Variants in TUBGCP3 observed in about 807,000 individuals in gnomAD.
The protein encoded by TUBGCP3 is tubulin gamma complex component 3, also known as gamma-tubulin complex component 3.
TUBGCP3 carries 50 observed loss-of-function variants against 123.1 expected under a neutral mutation model. That is an observed-to-expected ratio of 0.41 (90% CI 0.32 to 0.51). The LOEUF (loss-of-function observed/expected upper bound fraction) is 0.51. TUBGCP3 is among the 20% of genes least tolerant of loss of function. The pLI is 0.36. For synonymous variants in TUBGCP3, 405 were observed against 413.9 expected, an observed-to-expected ratio of 0.98 and a Z score of 0.26; for missense variants, 882 against 1,127.0, an observed-to-expected ratio of 0.78 and a Z score of 3.11.
In TUBGCP3 at chr13:112,554,974, T is replaced by C. The variant is rs765721075; in HGVS notation, c.753A>G (p.Val251=). The C allele has an allele frequency of 6.2e-7, 1 of 1,610,470 alleles. No individual in the cohort carries two copies. Among genetic ancestry groups the C allele is most frequent in the Admixed American group, 1.7e-5 (1 of 59,070 alleles). Residue 251 remains valine (V), a synonymous_variant, in exon 7 of 22, where the codon GTA becomes GTG. Transcript: ENST00000261965. The stretch of plus-strand genomic sequence containing the variant: ...CCTGAAAGACGTACAAAATGTCCCT[T>C]ACCAGAGCTGCTTCTGTAATTTCCA... The part of the protein sequence containing the change: ...GTMEITEAAL[V]RDILYVFQGI...
chr13:112,545,024 G>A lies in TUBGCP3; in HGVS notation c.1335+675C>T, dbSNP rs994463799. Reference sequence around the variant, plus strand: ...CCACTTCCCGCCACACACAGTCTGCGGCCCCGACGGCCCACTCCCACAAGA... The same window carrying A: ...CCACTTCCCGCCACACACAGTCTGCAGCCCCGACGGCCCACTCCCACAAGA... On this transcript the variant is annotated intron_variant, in intron 11 of 21. Transcript: ENST00000261965. This position sits in a 1 kb window ranked among gnomAD's most constrained non-coding sequence, Gnocchi z 4.1. 5 of 152,462 alleles carry A rather than the reference G, an allele frequency of 3.3e-5. No homozygotes were observed. Among genetic ancestry groups the A allele is most frequent in the African/African-American group, 9.6e-5 (4 of 41,466 alleles). The allele number at this position is 152,462 out of a possible 1,614,324, so 9.4% of individuals were successfully genotyped here.
At position 112,545,771 on chromosome 13, in the gene TUBGCP3, G is replaced by C. The variant is rs147627552; in HGVS notation, c.1263C>G (p.Leu421=). The C allele has an allele frequency of 3.1e-6, 5 of 1,614,196 alleles. No individual in the cohort carries two copies. The highest frequency in any genetic ancestry group is 4.2e-6 in the Non-Finnish European group (5 of 1,180,028). ...GGAAGCTCAAAACAGGATGAGACACGAGGCTGAGGATGTGCTGCACCAGAG... is the reference window on the plus strand; with the variant it reads ...GGAAGCTCAAAACAGGATGAGACACCAGGCTGAGGATGTGCTGCACCAGAG... ...MRSLVQHILS[L]VSHPVLSFLY... Residue 421 remains leucine (L), a synonymous_variant, in exon 11 of 22, where the codon CTC becomes CTG. Transcript: ENST00000261965. This position sits in a 1 kb window ranked among gnomAD's most constrained non-coding sequence, Gnocchi z 4.1.
intron 19 of TUBGCP3, among the ~76,000 whole-genome samples, chr13:112,503,097 G>A (rs563257058): frequency 1.3e-5 from 2 of 152,160 alleles, no homozygotes; most frequent in Non-Finnish European, 2.9e-5. Flanking sequence ...GGAGAGTGCA[G>A]GCCCAGCTGG....
the TUBGCP3 span, among the ~76,000 whole-genome samples, chr13:112,599,610 G>C: frequency 6.6e-6 from 1 of 152,146 alleles, no homozygotes; most frequent in African/African-American, 2.4e-5. Flanking sequence ...AGGTTCAAGA[G>C]ATTCTCCTAC....
Position 112,499,070 on chromosome 13 carries a change from T to G in TUBGCP3, c.2423A>C (p.Glu808Ala). The change falls in exon 20 of 22, where the codon GAG becomes GCG. Residue 808 changes from glutamate to alanine, a missense_variant. Physicochemically the swap from Glu to Ala is moderately radical, Grantham distance 107. This residue lies in a region of TUBGCP3 where 160 missense variants were observed against 220.3 expected (regional missense o/e 0.73). Transcript: ENST00000261965. ...EELQRRLQFEEKKKQREIEGQ... is the reference protein window; with the variant it reads ...EELQRRLQFEAKKKQREIEGQ... ...CTCAATTTCACGCTGTTTCTTTTTC[T>G]CTTCAAACTGTAATCGTCTCTGCAA... 6.2e-7 allele frequency: 1 copy of G among 1,614,190 alleles called. No homozygotes were observed. The highest frequency in any genetic ancestry group is 8.5e-7 in the Non-Finnish European group (1 of 1,180,022).
chr13:112,497,183 C>A (rs1880586228), intron 20 of TUBGCP3, among the ~76,000 whole-genome samples: 1 of 152,128 alleles, frequency 6.6e-6, no homozygotes, highest in African/African-American at 2.4e-5. Context: ...TTCCTTATCA[C>A]CCATTTTACA....
chr13:112,499,186 C>G lies in TUBGCP3; in HGVS notation c.2308-1G>C. On this transcript the variant is annotated splice_acceptor_variant, in intron 19 of 21. Transcript: ENST00000261965. LOFTEE classifies it high-confidence loss of function. ...CAGCTCTAAGTTGATTTAAAAGTGC[C>G]TGAAAGAGATGACAATGTTTTATGA... 6.2e-7 allele frequency: 1 copy of G among 1,601,020 alleles called. No individual in the cohort carries two copies. The highest frequency in any genetic ancestry group is 8.5e-7 in the Non-Finnish European group (1 of 1,175,290).
chr13:112,486,227 TC>T, intron 21 of TUBGCP3, 76 bp from the exon 22 acceptor site: 2 of 1,534,832 alleles, frequency 1.3e-6, no homozygotes, highest in Non-Finnish European at 1.8e-6. Context: ...GACCTTAATC[TC>T]CTTTGGGTTG....
chr13:112,514,282 C>T (rs1017177543), intron 17 of TUBGCP3, among the ~76,000 whole-genome samples: 24 of 130,978 alleles, frequency 1.8e-4, no homozygotes, highest in African/African-American at 6.9e-4. Flanking sequence ...AGGTTTCAGG[C>T]ATCCATGGGG....
intron 2 of TUBGCP3, among the ~76,000 whole-genome samples, chr13:112,567,695 C>T (rs1881059159): frequency 6.6e-6 from 1 of 152,222 alleles, no homozygotes; most frequent in South Asian, 2.1e-4. Context: ...CAGCCCTGAA[C>T]AGGCAAAAGC....
At chr13:112,526,177 C>A (rs956034039) in intron 13 of TUBGCP3, among the ~76,000 whole-genome samples, 1 of 151,706 alleles carries the variant, frequency 6.6e-6, no homozygotes, top group Non-Finnish European at 1.5e-5. Flanking sequence ...ACTATCATCA[C>A]CACCATCACT....
chr13:112,500,625 C>T (rs1880840673), intron 19 of TUBGCP3, among the ~76,000 whole-genome samples: 1 of 152,110 alleles, frequency 6.6e-6, no homozygotes, highest in Non-Finnish European at 1.5e-5. Flanking sequence ...AGAAAAATGA[C>T]ACAACTGTAC....
chr13:112,516,078 A>C (rs1369810907), intron 17 of TUBGCP3, among the ~76,000 whole-genome samples: 3 of 152,218 alleles, frequency 2.0e-5, no homozygotes, highest in Non-Finnish European at 2.9e-5. Flanking sequence ...GATACCTAAG[A>C]ATTTTTACTA....
At chr13:112,527,262 C>A in intron 12 of TUBGCP3, 112 bp downstream of exon 12, 1 of 832,968 alleles carries the variant, frequency 1.2e-6, no homozygotes, top group South Asian at 1.8e-5. Context: ...ATCTCCAGAA[C>A]GTTAACAATC....
chr13:112,505,454 C>T (rs981974279), intron 17 of TUBGCP3, among the ~76,000 whole-genome samples: 2 of 152,238 alleles, frequency 1.3e-5, no homozygotes, highest in East Asian at 3.8e-4. Context: ...ACCTCGATAA[C>T]GAGATCAAGA....
In TUBGCP3 at chr13:112,512,427, CAAAAA is replaced by C. The variant is rs35550857; in HGVS notation, c.2086+4008_2086+4012del. On this transcript the variant is annotated intron_variant, in intron 17 of 21. Transcript: ENST00000261965. ...TGGGCGACAGAGCAAGACTCTGTCT[CAAAAA>C]AAAAAAAAAAAAAAAAAAGGCCCAG... Among the ~76,000 whole-genome samples, 4 of 39,476 alleles carry C rather than the reference CAAAAA, an allele frequency of 1.0e-4. No individual in the cohort carries two copies. In the Admixed American group the frequency reaches 1.1e-3, roughly 11 times the overall value. The allele number at this position is 39,476 out of a possible 152,430, so 25.9% of individuals were successfully genotyped here.
rs148824899 is a variant in TUBGCP3, at chr13:112,524,905, T to C, written c.1555+2037A>G. 5.3e-5 allele frequency among the ~76,000 whole-genome samples: 8 copies of C among 152,306 alleles called. No individual in the cohort carries two copies. In the East Asian group the frequency reaches 1.5e-3, roughly 29 times the overall value. On this transcript the variant is annotated intron_variant, in intron 13 of 21. Coordinates refer to ENST00000261965, the MANE Select transcript of TUBGCP3 (RefSeq NM_006322.6). This position sits in a 1 kb window ranked among gnomAD's most constrained non-coding sequence, Gnocchi z 4.4. Reference sequence around the variant, plus strand: ...CTACTGAAAACCAAATTGCCCGAAATGACATTCCTCTCTCAGTGCTATGCT... The same window carrying C: ...CTACTGAAAACCAAATTGCCCGAAACGACATTCCTCTCTCAGTGCTATGCT...
chr13:112,527,254 C>T, intron 12 of TUBGCP3, 120 bp downstream of exon 12: 1 of 803,314 alleles, frequency 1.2e-6, no homozygotes, highest in Non-Finnish European at 2.0e-6. Context: ...CTTACTTCAT[C>T]TCCAGAACGT....
intron 17 of TUBGCP3, among the ~76,000 whole-genome samples, chr13:112,512,140 G>A (rs1192698263): frequency 2.6e-5 from 4 of 152,094 alleles, no homozygotes; most frequent in Non-Finnish European, 5.9e-5. Flanking sequence ...TTAAACAGTG[G>A]CTGAGCACAG....
Sources: gnomAD v4.1 joint callset for allele counts (sites outside exome capture counted in the v4.1 genomes callset) on GRCh38, gnomAD v4.1.1 for gene constraint, gnomAD v4.1.1 regional missense constraint, Gnocchi (gnomAD v3.1) non-coding constraint, MANE v1.5 for transcripts, NCBI Gene and HGNC (gene_info 2026-07-23, HGNC 2026-07-21) for gene names.